The following ABCB11 variants were observed in gnomAD, a reference collection of about 807,000 sequenced individuals.
ABCB11 encodes bile salt export pump.
Under a neutral mutation model 148.0 loss-of-function variants are expected in ABCB11, and 95 were observed. That is an observed-to-expected ratio of 0.64 (90% CI 0.54 to 0.76). ABCB11 has a LOEUF of 0.76. ABCB11 is among the 30% of genes least tolerant of loss of function. The pLI, the probability that ABCB11 is intolerant of heterozygous loss-of-function variation, is 0.00. For synonymous variants in ABCB11, 591 were observed against 555.4 expected (o/e 1.06, Z -0.90); for missense variants, 1,523 against 1,617.8 (o/e 0.94, Z 1.01).
At chr2:168,928,625 C>A (rs1396307733) in intron 25 of ABCB11, among the ~76,000 whole-genome samples, 2 of 152,076 alleles carry the variant, frequency 1.3e-5, no homozygotes, top group African/African-American at 4.8e-5. Context: ...ATTCACTGGG[C>A]ATATTCAGAG....
chr2:169,013,528 T>A lies in ABCB11; in HGVS notation c.151-18A>T. The A allele has an allele frequency of 6.3e-7, 1 of 1,598,828 alleles. No individual in the cohort carries two copies. Among genetic ancestry groups the A allele is most frequent in the Non-Finnish European group, 8.6e-7 (1 of 1,167,366 alleles). On this transcript the variant is annotated intron_variant, in intron 4 of 27. Coordinates refer to ENST00000650372, the MANE Select transcript of ABCB11 (RefSeq NM_003742.4). ...AACCGAAACTTGAAAAACAAAGGGT[T>A]CAGAGATCATCTATGGGTGAAGAGC...
intron 26 of ABCB11, among the ~76,000 whole-genome samples, chr2:168,926,481 A>C (rs1270254586): frequency 1.3e-5 from 2 of 152,196 alleles, no homozygotes; most frequent in Non-Finnish European, 2.9e-5. Context: ...TGAAGCTACT[A>C]AGTGGCAAAG....
At chr2:168,987,597 T>C (rs1694370145) in intron 9 of ABCB11, among the ~76,000 whole-genome samples, 1 of 152,118 alleles carries the variant, frequency 6.6e-6, no homozygotes, top group Non-Finnish European at 1.5e-5. Flanking sequence ...GTCTGGTTAA[T>C]TTCTGTATTT....
intron 5 of ABCB11, among the ~76,000 whole-genome samples, chr2:169,005,318 G>A (rs1333558644): frequency 1.3e-5 from 2 of 152,078 alleles, no homozygotes; most frequent in African/African-American, 4.8e-5. Flanking sequence ...CCACCATGTA[G>A]GGGCAGGGAT....
chr2:168,965,844 A>G (rs912309091), intron 17 of ABCB11, among the ~76,000 whole-genome samples: 1 of 151,888 alleles, frequency 6.6e-6, no homozygotes, highest in Non-Finnish European at 1.5e-5. Context: ...CTAGCCTTCC[A>G]GAGAAGGCAG....
At chr2:168,973,605 A>C in intron 13 of ABCB11, 110 bp downstream of exon 13, 1 of 1,323,476 alleles carries the variant, frequency 7.6e-7, no homozygotes, top group Non-Finnish European at 1.0e-6. Flanking sequence ...TAAGTTAACT[A>C]TGCATGCCAG....
chr2:168,932,037 G>T (rs569249381), intron 24 of ABCB11, among the ~76,000 whole-genome samples: 7 of 152,024 alleles, frequency 4.6e-5, no homozygotes, highest in African/African-American at 1.7e-4. Context: ...TTTAAGTTCT[G>T]GGGTAGATGT....
intron 18 of ABCB11, among the ~76,000 whole-genome samples, chr2:168,959,269 A>G (rs1692943131): frequency 6.6e-6 from 1 of 151,724 alleles, no homozygotes; most frequent in African/African-American, 2.4e-5. Flanking sequence ...GCCTGCTCTC[A>G]CCATTTGTAC....
intron 18 of ABCB11, among the ~76,000 whole-genome samples, chr2:168,962,850 C>A (rs776121126): frequency 1.3e-5 from 2 of 151,678 alleles, no homozygotes; most frequent in Non-Finnish European, 3.0e-5. Flanking sequence ...ACTATGCTTG[C>A]TAAATGTGTT....
chr2:168,988,987 T>C (rs1178001374), intron 9 of ABCB11, among the ~76,000 whole-genome samples: 1 of 152,166 alleles, frequency 6.6e-6, no homozygotes, highest in Non-Finnish European at 1.5e-5. Flanking sequence ...GGTTGTTTTC[T>C]TGTCATTGAG....
chr2:168,980,606 C>G (rs1261588776), intron 10 of ABCB11, among the ~76,000 whole-genome samples: 1 of 152,048 alleles, frequency 6.6e-6, no homozygotes, highest in Non-Finnish European at 1.5e-5. Flanking sequence ...ATGGAGGCTC[C>G]CAATTTGCAC....
intron 19 of ABCB11, among the ~76,000 whole-genome samples, chr2:168,956,859 G>A (rs1382501104): frequency 6.6e-6 from 1 of 151,564 alleles, no homozygotes; most frequent in Admixed American, 6.6e-5. Flanking sequence ...AGCCAAGATT[G>A]TGAAAGCCCA....
intron 19 of ABCB11, among the ~76,000 whole-genome samples, chr2:168,949,260 C>T (rs1692458641): frequency 6.6e-6 from 1 of 151,614 alleles, no homozygotes; most frequent in African/African-American, 2.4e-5. Context: ...AGATTTCTTA[C>T]ATGCATATTG....
In ABCB11 at chr2:168,923,729, C is replaced by T; in HGVS notation, c.3859G>A (p.Ala1287Thr). The change falls in exon 28 of 28, where the codon GCT (alanine) becomes ACT (threonine). Residue 1287 changes from alanine (A) to threonine (T), a missense_variant. Physicochemically the swap from Ala to Thr is moderately conservative, Grantham distance 58. Transcript: ENST00000650372. ...LSTIQNADII[A>T]VMAQGVVIEK... is the part of the protein sequence containing the mutation. ...ATCACCACCCCCTGTGCCATGACAG[C>T]AATGATATCCGCGTTCTGGATGGTG... is the stretch of plus-strand genomic sequence containing the variant. 1 of 1,613,850 alleles carries T rather than the reference C, an allele frequency of 6.2e-7. No individual in the cohort carries two copies. Among genetic ancestry groups the T allele is most frequent in the Non-Finnish European group, 8.5e-7 (1 of 1,179,868 alleles).
Position 168,970,016 on chromosome 2 carries a change from C to T in ABCB11, c.1809+29G>A, listed in dbSNP as rs948318964. 27 of 1,609,098 alleles carry T rather than the reference C, an allele frequency of 1.7e-5. No individual in the cohort carries two copies. The African/African-American group carries it at 2.9e-4, about 18-fold the overall frequency. On this transcript the variant is annotated intron_variant, in intron 15 of 27. Coordinates refer to ENST00000650372, the MANE Select transcript of ABCB11 (RefSeq NM_003742.4). ...GCAGCACAAGCATTTCCACATGGAC[C>T]TGTAAAATGGACTAAGACTTCCACA...
At chr2:168,968,287 G>A in intron 17 of ABCB11, 140 bp downstream of exon 17, 2 of 730,866 alleles carry the variant, frequency 2.7e-6, no homozygotes, top group Non-Finnish European at 4.7e-6. Context: ...AGGATCACTT[G>A]CATGTTCATA....
intron 4 of ABCB11, 80 bp downstream of exon 4, chr2:169,014,223 T>A: frequency 1.4e-6 from 2 of 1,397,094 alleles, no homozygotes; most frequent in South Asian, 1.2e-5. Context: ...CCAATATGAC[T>A]AAAGATTTAA....
chr2:168,946,212 T>C (rs185012019), intron 19 of ABCB11, among the ~76,000 whole-genome samples: 1 of 152,018 alleles, frequency 6.6e-6, no homozygotes, highest in East Asian at 1.9e-4. Context: ...TACATCTTTA[T>C]TCATTTTCCT....
intron 19 of ABCB11, among the ~76,000 whole-genome samples, chr2:168,945,939 C>T (rs1274843800): frequency 3.3e-5 from 5 of 151,816 alleles, no homozygotes; most frequent in Non-Finnish European, 7.4e-5. Context: ...CTGAAACATT[C>T]CCCCACCCCC....
Sources: allele counts gnomAD v4.1 joint callset (sites outside exome capture counted in the v4.1 genomes callset), GRCh38; gene constraint gnomAD v4.1.1; transcripts MANE v1.5; gene names NCBI Gene and HGNC (gene_info 2026-07-23, HGNC 2026-07-21).